Variants in GSR observed in about 807,000 individuals in gnomAD.
GSR encodes glutathione reductase, mitochondrial.
In GSR, 48 loss-of-function variants were observed where a neutral mutation model predicts 56.5. That is an observed-to-expected ratio of 0.85 (90% CI 0.67 to 1.08). The LOEUF (loss-of-function observed/expected upper bound fraction) is 1.08. Ranked by LOEUF, GSR falls within the 50% of genes least tolerant of loss-of-function variation. The pLI is 0.00. For synonymous variants in GSR, 264 were observed against 270.8 expected, an observed-to-expected ratio of 0.97 and a Z score of 0.25; for missense variants, 694 against 703.3, an observed-to-expected ratio of 0.99 and a Z score of 0.15.
intron 3 of GSR, among the ~76,000 whole-genome samples, chr8:30,709,031 T>C (rs1804018219): frequency 6.6e-6 from 1 of 151,392 alleles, no homozygotes; most frequent in Non-Finnish European, 1.5e-5. Flanking sequence ...AAAATGTGGT[T>C]TTATCCATAT....
At chr8:30,710,464 C>T (rs889140557) in intron 2 of GSR, among the ~76,000 whole-genome samples, 8 of 151,100 alleles carry the variant, frequency 5.3e-5, no homozygotes, top group Admixed American at 2.0e-4. Flanking sequence ...TGACTATAAT[C>T]CCAGCACTTT....
intron 9 of GSR, among the ~76,000 whole-genome samples, chr8:30,688,582 A>AAC (rs1317435505): frequency 6.8e-6 from 1 of 148,126 alleles, no homozygotes; most frequent in Non-Finnish European, 1.5e-5. Context: ...CTGTCTCAAA[A>AAC]AAAAAAAAAA....
At chr8:30,702,871 G>A (rs1357548214) in intron 5 of GSR, among the ~76,000 whole-genome samples, 1 of 152,158 alleles carries the variant, frequency 6.6e-6, no homozygotes, top group Non-Finnish European at 1.5e-5. Flanking sequence ...CCAGGAGGCG[G>A]AGGTAGCAGT....
chr8:30,724,544 C>CTTTTTTT lies in GSR; in HGVS notation c.306+2979_306+2985dup, dbSNP rs56145808. On this transcript the variant is annotated intron_variant, in intron 1 of 12. Coordinates refer to ENST00000221130, the MANE Select transcript of GSR (RefSeq NM_000637.5). ...CAAAGAATACTACCCAACCCCCCAC[C>CTTTTTTT]TTTTTTTTTTTTTTTTTTTTTTGAG... 4.4e-4 allele frequency among the ~76,000 whole-genome samples: 37 copies of CTTTTTTT among 84,634 alleles called. 1 individual carries two copies. The highest frequency in any genetic ancestry group is 5.6e-4 in the Admixed American group (3 of 5,396). 55.5% of individuals were successfully genotyped at this position (84,634 alleles called of 152,430 possible).
chr8:30,714,385 G>A (rs1194559856), intron 1 of GSR, among the ~76,000 whole-genome samples: 3 of 151,806 alleles, frequency 2.0e-5, no homozygotes, highest in Non-Finnish European at 2.9e-5. Context: ...ATTTTTAGTA[G>A]AGACAGAGTC....
chr8:30,709,691 G>A (rs1804039673), intron 3 of GSR, 123 bp downstream of exon 3: 1 of 712,028 alleles, frequency 1.4e-6, no homozygotes, highest in Non-Finnish European at 2.6e-6. Flanking sequence ...TGGCTAAACT[G>A]TAAATCTCGT....
intron 10 of GSR, among the ~76,000 whole-genome samples, chr8:30,682,402 C>G (rs8191029): frequency 0.011 from 1,741 of 152,282 alleles, 34 homozygotes; most frequent in African/African-American, 0.04. Context: ...GTCAAAAACG[C>G]AGACAAAAGT....
intron 4 of GSR, among the ~76,000 whole-genome samples, chr8:30,705,514 G>A (rs566499131): frequency 8.7e-4 from 132 of 152,170 alleles, no homozygotes; most frequent in African/African-American, 2.9e-3. Flanking sequence ...CACTCGCTTC[G>A]GCCTCCCAAA....
At chr8:30,717,324 G>A (rs964238654) in intron 1 of GSR, among the ~76,000 whole-genome samples, 2 of 152,210 alleles carry the variant, frequency 1.3e-5, no homozygotes, top group East Asian at 3.9e-4. Flanking sequence ...CTGGGCTGAA[G>A]CAGTCCTCTC....
At chr8:30,726,356 T>G (rs1804723854) in intron 1 of GSR, among the ~76,000 whole-genome samples, 1 of 152,162 alleles carries the variant, frequency 6.6e-6, no homozygotes, top group African/African-American at 2.4e-5. Flanking sequence ...CCAAAGGAAT[T>G]TAGAGAACCT....
At chr8:30,693,166 CCTTA>C (rs1803444682) in intron 7 of GSR, 111 bp from the exon 8 acceptor site, 2 of 732,016 alleles carry the variant, frequency 2.7e-6, no homozygotes, top group Admixed American at 4.0e-5. Flanking sequence ...ATTATTTCCT[CCTTA>C]CTTATGGCCA....
At chr8:30,680,637 T>A (rs1263517617) in intron 12 of GSR, among the ~76,000 whole-genome samples, 2 of 151,738 alleles carry the variant, frequency 1.3e-5, no homozygotes, top group East Asian at 3.9e-4. Flanking sequence ...TCAGGTGATA[T>A]GCCTGCCTCG....
intron 1 of GSR, among the ~76,000 whole-genome samples, chr8:30,723,335 G>A (rs1804611007): frequency 6.6e-6 from 1 of 152,096 alleles, no homozygotes; most frequent in South Asian, 2.1e-4. Flanking sequence ...GACTTGAAAT[G>A]CTGAATTCAA....
intron 1 of GSR, 136 bp downstream of exon 1, chr8:30,727,394 A>T: frequency 1.2e-6 from 1 of 844,436 alleles, no homozygotes; most frequent in Non-Finnish European, 1.8e-6. Context: ...TGGCTTCGGA[A>T]TGGGGAGTTG....
At chr8:30,708,530 ATAGT>A (rs1803993066) in intron 3 of GSR, among the ~76,000 whole-genome samples, 1 of 152,258 alleles carries the variant, frequency 6.6e-6, no homozygotes, top group Non-Finnish European at 1.5e-5. Flanking sequence ...AGTTCCTTAA[ATAGT>A]TAAACACAAA....
At chr8:30,708,162 GT>G in intron 3 of GSR, 21 bp from the exon 4 acceptor site, 1 of 1,580,016 alleles carries the variant, frequency 6.3e-7, no homozygotes, top group Non-Finnish European at 8.7e-7. Flanking sequence ...ACCCAAGTCA[GT>G]ATTCAGAAAC....
intron 1 of GSR, among the ~76,000 whole-genome samples, chr8:30,723,852 G>A (rs1342892494): frequency 3.3e-5 from 5 of 151,700 alleles, no homozygotes; most frequent in Non-Finnish European, 5.9e-5. Flanking sequence ...CAGGAGACTG[G>A]TCCAAAACAA....
intron 8 of GSR, among the ~76,000 whole-genome samples, chr8:30,690,041 TTATA>T (rs1251601460): frequency 1.4e-5 from 2 of 142,878 alleles, no homozygotes; most frequent in African/African-American, 5.1e-5. Context: ...TATATGTATA[TTATA>T]TATAAATATA....
At position 30,691,227 on chromosome 8, in the gene GSR, C is replaced by T. The variant is rs28659928; in HGVS notation, c.882+1742G>A. On this transcript the variant is annotated intron_variant, in intron 8 of 12. Coordinates refer to ENST00000221130, the MANE Select transcript of GSR (RefSeq NM_000637.5). ...AAACAAAATACAAAAATTAGTTGGG[C>T]TTGTTGGCAGGTGCCTATATTCCCA... Among the ~76,000 whole-genome samples, 1,304 of 152,100 alleles carry T rather than the reference C, an allele frequency of 8.6e-3. 22 individuals are homozygous for T. The highest frequency in any genetic ancestry group is 0.03 in the African/African-American group (1,256 of 41,478).
Sources: allele counts gnomAD v4.1 joint callset (sites outside exome capture counted in the v4.1 genomes callset), GRCh38; gene constraint gnomAD v4.1.1; transcripts MANE v1.5; gene names NCBI Gene and HGNC (gene_info 2026-07-23, HGNC 2026-07-21).